Variants in TMEM132C observed in about 807,000 individuals in gnomAD.
TMEM132C encodes protein phosphatase 1, regulatory subunit 152.
Under a neutral mutation model 61.4 loss-of-function variants are expected in TMEM132C, and 29 were observed. The ratio of observed to expected loss-of-function variants is 0.47; its 90% CI spans 0.35 to 0.64. The LOEUF is 0.64. Among genes scored for constraint, TMEM132C ranks in the 30% least tolerant of loss-of-function variants. TMEM132C has a pLI of 0.00. For synonymous variants in TMEM132C, 656 were observed against 633.1 expected (o/e 1.04, Z -0.54); for missense variants, 1,408 against 1,476.9 (o/e 0.95, Z 0.76).
intron 1 of TMEM132C, among the ~76,000 whole-genome samples, chr12:128,376,548 C>A (rs1326602647): frequency 6.6e-6 from 1 of 152,148 alleles, no homozygotes. Flanking sequence ...ATGAAGCAAA[C>A]CCCTTAAGTT....
chr12:128,282,609 CAGATGAGATTTG>C (rs1475900922), intron 1 of TMEM132C, among the ~76,000 whole-genome samples: 1 of 152,224 alleles, frequency 6.6e-6, no homozygotes, highest in Admixed American at 6.5e-5. Flanking sequence ...ACAGCAGTTC[CAGATGAGATTTG>C]GGTGGGGACA....
chr12:128,394,907 C>CAAAAAAAAAA (rs59086773), intron 1 of TMEM132C, among the ~76,000 whole-genome samples: 1 of 132,310 alleles, frequency 7.6e-6, no homozygotes. Context: ...CCTTATTTTC[C>CAAAAAAAAAA]AAAAAAAAAA....
chr12:128,292,970 A>G lies in TMEM132C; in HGVS notation c.85+25483A>G, dbSNP rs139719222. Among the ~76,000 whole-genome samples the G allele has an allele frequency of 1.5e-3, 227 of 149,896 alleles. 1 individual carries two copies. The highest frequency in any genetic ancestry group is 5.3e-3 in the African/African-American group (209 of 39,280). On this transcript the variant is annotated intron_variant, in intron 1 of 8. Transcript: ENST00000435159. ...GGTATGTGTATGTGTGTGTGTGTAT[A>G]TGCAAGCACGAGCACCAACTTGTGT...
At chr12:128,380,243 A>C (rs1221762596) in intron 1 of TMEM132C, among the ~76,000 whole-genome samples, 1 of 152,256 alleles carries the variant, frequency 6.6e-6, no homozygotes, top group Non-Finnish European at 1.5e-5. Context: ...GGTGAGCAAG[A>C]GCTGTGTGTT....
At chr12:128,315,184 G>A (rs1872110539) in intron 1 of TMEM132C, among the ~76,000 whole-genome samples, 1 of 152,136 alleles carries the variant, frequency 6.6e-6, no homozygotes, top group African/African-American at 2.4e-5. Context: ...TGCTCAGGCA[G>A]ACAGGCATGT....
rs567932957 is a variant in TMEM132C at position 128,606,633 on chromosome 12, CCCCTAGTGTGTCACAG to C, written c.1122-9516_1122-9501del. 3.6e-3 allele frequency among the ~76,000 whole-genome samples: 551 copies of C among 152,322 alleles called. 4 individuals carry two copies. Among genetic ancestry groups the C allele is most frequent in the African/African-American group, 0.013 (539 of 41,574 alleles). ...GCTGCCCCTAAATGTGGCAGAGGGG[CCCCTAGTGTGTCACAG>C]CCTCTGTCAAGGCCTGTGTGTGACA... On this transcript the variant is annotated intron_variant, in intron 3 of 8. Coordinates refer to ENST00000435159, the MANE Select transcript of TMEM132C (RefSeq NM_001136103.3).
At chr12:128,672,016 A>C (rs993079601) in intron 5 of TMEM132C, among the ~76,000 whole-genome samples, 2 of 152,142 alleles carry the variant, frequency 1.3e-5, no homozygotes, top group Non-Finnish European at 2.9e-5. Flanking sequence ...CATTCAAAAA[A>C]AGTTTTAAGA....
At chr12:128,533,512 T>A (rs1348234513) in intron 2 of TMEM132C, among the ~76,000 whole-genome samples, 1 of 152,200 alleles carries the variant, frequency 6.6e-6, no homozygotes, top group Non-Finnish European at 1.5e-5. Context: ...GGTTGATTCC[T>A]TCTGAGGTCT....
intron 1 of TMEM132C, among the ~76,000 whole-genome samples, chr12:128,399,179 A>C (rs1875061603): frequency 6.6e-6 from 1 of 152,244 alleles, no homozygotes; most frequent in African/African-American, 2.4e-5. Flanking sequence ...AAAATGCGGA[A>C]GACTCTTTGG....
intron 4 of TMEM132C, among the ~76,000 whole-genome samples, chr12:128,649,289 T>C (rs988349728): frequency 4.6e-5 from 7 of 152,192 alleles, no homozygotes; most frequent in African/African-American, 1.7e-4. Context: ...ACTCACACTA[T>C]CCTGTGATAC....
At position 128,398,593 on chromosome 12, in the gene TMEM132C, G is replaced by A. The variant is rs143024504; in HGVS notation, c.86-16139G>A. Among the ~76,000 whole-genome samples, 243 of 152,322 alleles carry A rather than the reference G, an allele frequency of 1.6e-3. 1 individual carries two copies. Among genetic ancestry groups the A allele is most frequent in the Middle Eastern group, 0.01 (3 of 294 alleles). On this transcript the variant is annotated intron_variant, in intron 1 of 8. Coordinates refer to ENST00000435159, the MANE Select transcript of TMEM132C (RefSeq NM_001136103.3). ...AGCCTGTGCTCTGAGACAGGATAGC[G>A]CAGAAATGGGCACAGGGATCCTGAG...
At chr12:128,631,057 T>C (rs1048016337) in intron 4 of TMEM132C, among the ~76,000 whole-genome samples, 1 of 152,112 alleles carries the variant, frequency 6.6e-6, no homozygotes, top group Non-Finnish European at 1.5e-5. Context: ...TAATAATGTG[T>C]ATGTTTTCTA....
chr12:128,401,508 A>G (rs964080759), intron 1 of TMEM132C, among the ~76,000 whole-genome samples: 1 of 152,230 alleles, frequency 6.6e-6, no homozygotes, highest in African/African-American at 2.4e-5. Flanking sequence ...GCAGACTGGT[A>G]TAGCTATGTT....
At chr12:128,468,987 C>G (rs1309252644) in intron 2 of TMEM132C, among the ~76,000 whole-genome samples, 1 of 152,196 alleles carries the variant, frequency 6.6e-6, no homozygotes, top group Non-Finnish European at 1.5e-5. Context: ...TTCTAGTTCT[C>G]TAACTCTCTT....
Position 128,327,044 on chromosome 12 carries a change from T to C in TMEM132C, c.85+59557T>C, listed in dbSNP as rs148365665. Among the ~76,000 whole-genome samples, 541 of 150,096 alleles carry C rather than the reference T, an allele frequency of 3.6e-3. 58 individuals are homozygous for C. The highest frequency in any genetic ancestry group is 0.013 in the African/African-American group (518 of 39,384). ...CCTTTTTGTCTGTGTGCAGATTACA[T>C]CATAAGGCAAGTGGAGTCAGTGTCA... On this transcript the variant is annotated intron_variant, in intron 1 of 8. Coordinates refer to ENST00000435159, the MANE Select transcript of TMEM132C (RefSeq NM_001136103.3).
intron 2 of TMEM132C, among the ~76,000 whole-genome samples, chr12:128,443,842 A>G (rs1869880121): frequency 1.3e-5 from 2 of 152,186 alleles, no homozygotes; most frequent in Admixed American, 1.3e-4. Flanking sequence ...CTCTGTCTTC[A>G]CAAAGTGGGC....
At chr12:128,410,972 T>G (rs1386067216) in intron 1 of TMEM132C, among the ~76,000 whole-genome samples, 1 of 152,200 alleles carries the variant, frequency 6.6e-6, no homozygotes, top group Non-Finnish European at 1.5e-5. Context: ...CTCAACATTT[T>G]TGATGAGTAT....
intron 2 of TMEM132C, among the ~76,000 whole-genome samples, chr12:128,435,503 A>G (rs931838016): frequency 3.9e-5 from 6 of 152,338 alleles, no homozygotes; most frequent in Non-Finnish European, 7.3e-5. Flanking sequence ...TTATACACCA[A>G]TAACAGACAA....
At chr12:128,620,135 G>A (rs1953948109) in intron 4 of TMEM132C, among the ~76,000 whole-genome samples, 1 of 151,638 alleles carries the variant, frequency 6.6e-6, no homozygotes, top group Non-Finnish European at 1.5e-5. Context: ...GGGAGGCTGA[G>A]GTGGGAGGAT....
Sources: gnomAD v4.1 joint callset for allele counts (sites outside exome capture counted in the v4.1 genomes callset) on GRCh38, gnomAD v4.1.1 for gene constraint, MANE v1.5 for transcripts, NCBI Gene and HGNC (gene_info 2026-07-23, HGNC 2026-07-21) for gene names.